CLSTN2: variants seen among roughly 807,000 people sequenced by gnomAD.
CLSTN2 encodes calsyntenin 2.
A neutral mutation model predicts 101.2 loss-of-function variants in CLSTN2; 48 were observed. The ratio of observed to expected loss-of-function variants is 0.47; its 90% CI spans 0.38 to 0.60. The LOEUF (loss-of-function observed/expected upper bound fraction) is 0.60, where lower values mean the gene tolerates loss of function less well. Among genes scored for constraint, CLSTN2 ranks in the 20% least tolerant of loss-of-function variants. The pLI, the probability that CLSTN2 is intolerant of heterozygous loss-of-function variation, is 0.00. For synonymous variants in CLSTN2, 481 were observed against 463.6 expected (o/e 1.04, Z -0.48); for missense variants, 1,160 against 1,238.2 (o/e 0.94, Z 0.95).
At position 140,287,809 on chromosome 3, in the gene CLSTN2, A is replaced by G. The variant is rs142603746; in HGVS notation, c.232+111736A>G. ...GAGTGATGGGCAGAGCCAGCATTCTAAGATAGGTCTATCCGATCCCCAAAT... is the reference window on the plus strand; with the variant it reads ...GAGTGATGGGCAGAGCCAGCATTCTGAGATAGGTCTATCCGATCCCCAAAT... On this transcript the variant is annotated intron_variant, in intron 2 of 16. Coordinates refer to ENST00000458420, the MANE Select transcript of CLSTN2 (RefSeq NM_022131.3). 3.9e-3 allele frequency among the ~76,000 whole-genome samples: 594 copies of G among 152,260 alleles called. 4 individuals are homozygous for G. The highest frequency in any genetic ancestry group is 0.014 in the African/African-American group (564 of 41,544).
intron 8 of CLSTN2, among the ~76,000 whole-genome samples, chr3:140,522,667 A>G (rs1364247113): frequency 6.6e-6 from 1 of 152,212 alleles, no homozygotes; most frequent in African/African-American, 2.4e-5. Flanking sequence ...ACATCTTTCA[A>G]GGATATTTGT....
chr3:140,203,922 G>T (rs2010750133), intron 2 of CLSTN2, among the ~76,000 whole-genome samples: 1 of 152,218 alleles, frequency 6.6e-6, no homozygotes. Flanking sequence ...AGTTGCTGGA[G>T]AAATGTGTCT....
chr3:140,166,004 C>G (rs1297058629), intron 1 of CLSTN2, among the ~76,000 whole-genome samples: 2 of 152,064 alleles, frequency 1.3e-5, no homozygotes, highest in Non-Finnish European at 2.9e-5. Context: ...TCTGTGTTGC[C>G]TACAGCCATC....
intron 5 of CLSTN2, among the ~76,000 whole-genome samples, chr3:140,447,760 A>T (rs1303805925): frequency 6.6e-6 from 1 of 152,228 alleles, no homozygotes; most frequent in Non-Finnish European, 1.5e-5. Flanking sequence ...AAGTTAAAAA[A>T]TGGGGTGAGG....
At chr3:140,400,516 T>C (rs1005868733) in intron 2 of CLSTN2, among the ~76,000 whole-genome samples, 1 of 152,006 alleles carries the variant, frequency 6.6e-6, no homozygotes, top group Non-Finnish European at 1.5e-5. Flanking sequence ...TTGGACAACA[T>C]AATGAGACCT....
intron 1 of CLSTN2, among the ~76,000 whole-genome samples, chr3:139,996,490 T>C (rs190444211): frequency 0.043 from 6,614 of 152,180 alleles, 157 homozygotes; most frequent in Non-Finnish European, 0.051. Context: ...CCCGGGTTCA[T>C]GCCATTCTGC....
chr3:140,376,164 C>T (rs1162749921), intron 2 of CLSTN2, among the ~76,000 whole-genome samples: 1 of 152,222 alleles, frequency 6.6e-6, no homozygotes, highest in Non-Finnish European at 1.5e-5. Flanking sequence ...TCATGCCTTA[C>T]AGTCCAGAAC....
intron 9 of CLSTN2, among the ~76,000 whole-genome samples, chr3:140,537,019 G>A (rs1348360112): frequency 6.6e-6 from 1 of 152,188 alleles, no homozygotes; most frequent in Non-Finnish European, 1.5e-5. Flanking sequence ...TGAAATTAAT[G>A]GCCTATGATG....
chr3:139,943,070 A>G (rs1484649384), intron 1 of CLSTN2, among the ~76,000 whole-genome samples: 1 of 151,928 alleles, frequency 6.6e-6, no homozygotes, highest in Non-Finnish European at 1.5e-5. Flanking sequence ...CCGCAGCCCC[A>G]TATGTCCCAA....
intron 1 of CLSTN2, among the ~76,000 whole-genome samples, chr3:140,096,268 G>C (rs541757258): frequency 6.6e-6 from 1 of 152,210 alleles, no homozygotes; most frequent in African/African-American, 2.4e-5. Context: ...ACTGCTTCCT[G>C]TTTCCCTCTC....
chr3:139,981,750 T>G (rs140904311), intron 1 of CLSTN2, among the ~76,000 whole-genome samples: 163 of 152,336 alleles, frequency 1.1e-3, no homozygotes, highest in African/African-American at 3.3e-3. Context: ...GGAGAGAATC[T>G]TTGCTCTTCT....
intron 5 of CLSTN2, among the ~76,000 whole-genome samples, chr3:140,422,617 G>T (rs1477641721): frequency 6.6e-6 from 1 of 152,158 alleles, no homozygotes; most frequent in African/African-American, 2.4e-5. Context: ...CACAGGTAAG[G>T]CACATGAGAG....
intron 8 of CLSTN2, among the ~76,000 whole-genome samples, chr3:140,485,297 G>T (rs1268348867): frequency 6.6e-6 from 1 of 152,198 alleles, no homozygotes; most frequent in Non-Finnish European, 1.5e-5. Context: ...AAATGTTGCT[G>T]CCTGATTGTT....
At chr3:140,336,946 A>G (rs1377290705) in intron 2 of CLSTN2, among the ~76,000 whole-genome samples, 1 of 152,084 alleles carries the variant, frequency 6.6e-6, no homozygotes, top group African/African-American at 2.4e-5. Context: ...CACACCACCA[A>G]TAATTCAAGA....
At chr3:140,490,495 A>G (rs118179489) in intron 8 of CLSTN2, among the ~76,000 whole-genome samples, 200 of 148,720 alleles carry the variant, frequency 1.3e-3, no homozygotes, top group Non-Finnish European at 2.3e-3. Flanking sequence ...CCTTGCTGCT[A>G]TTTGCCCTGG....
At chr3:140,384,633 C>T (rs1257824983) in intron 2 of CLSTN2, among the ~76,000 whole-genome samples, 3 of 152,184 alleles carry the variant, frequency 2.0e-5, no homozygotes, top group African/African-American at 7.2e-5. Flanking sequence ...TCACACCTGA[C>T]AGGAAGCAGG....
At chr3:140,463,212 C>T (rs1203492675) in intron 7 of CLSTN2, among the ~76,000 whole-genome samples, 1 of 152,198 alleles carries the variant, frequency 6.6e-6, no homozygotes, top group African/African-American at 2.4e-5. Context: ...CATATCAGCT[C>T]CTCTTGCTGG....
At chr3:140,473,788 T>C (rs1282410230) in intron 8 of CLSTN2, among the ~76,000 whole-genome samples, 1 of 152,026 alleles carries the variant, frequency 6.6e-6, no homozygotes. Flanking sequence ...GACAGAGTCT[T>C]GCTTTGTTGC....
chr3:139,959,466 C>T (rs957438627), intron 1 of CLSTN2, among the ~76,000 whole-genome samples: 5 of 152,184 alleles, frequency 3.3e-5, no homozygotes, highest in African/African-American at 7.2e-5. Context: ...CTCTTTTCCA[C>T]ATCCACACAT....
Sources: allele counts gnomAD v4.1 joint callset (sites outside exome capture counted in the v4.1 genomes callset), GRCh38; gene constraint gnomAD v4.1.1; transcripts MANE v1.5; gene names NCBI Gene and HGNC (gene_info 2026-07-23, HGNC 2026-07-21).